FLOT1: variants seen among roughly 807,000 people sequenced by gnomAD.
FLOT1 encodes flotillin-1.
FLOT1 carries 40 observed loss-of-function variants against 58.4 expected under a neutral mutation model. That is an observed-to-expected ratio of 0.69 (90% CI 0.53 to 0.89). The LOEUF is 0.89. Among genes scored for constraint, FLOT1 ranks in the 40% least tolerant of loss-of-function variants. The probability of loss-of-function intolerance (pLI) is 0.00; values close to 1 mark genes in which losing one functional copy is unlikely to be tolerated. For synonymous variants in FLOT1, 178 were observed against 204.2 expected, an observed-to-expected ratio of 0.87 and a Z score of 1.09; for missense variants, 423 against 540.8, an observed-to-expected ratio of 0.78 and a Z score of 2.16.
chr6:30,738,833 C>CA (rs1182804757), intron 8 of FLOT1, among the ~76,000 whole-genome samples: 3 of 151,922 alleles, frequency 2.0e-5, no homozygotes, highest in African/African-American at 7.3e-5. Flanking sequence ...CACAAAAATG[C>CA]AAAAAACACG....
At chr6:30,740,111 GA>G (rs1283837597) in intron 8 of FLOT1, 46 bp downstream of exon 8, 1 of 1,571,096 alleles carries the variant, frequency 6.4e-7, no homozygotes, top group Non-Finnish European at 8.6e-7. Flanking sequence ...TGGACAGCCT[GA>G]GAGGAATGGG....
chr6:30,731,876 AACC>A (rs1363360917), intron 8 of FLOT1, among the ~76,000 whole-genome samples: 1 of 152,308 alleles, frequency 6.6e-6, no homozygotes, highest in Middle Eastern at 3.4e-3. Context: ...TTCCCAGAGA[AACC>A]ACCAAGACCA....
At position 30,730,721 on chromosome 6, in the gene FLOT1, T is replaced by C. The variant is rs1244771646; in HGVS notation, c.912A>G (p.Gln304=). The C allele has an allele frequency of 8.1e-6, 13 of 1,613,250 alleles. No individual in the cohort carries two copies. Among genetic ancestry groups the C allele is most frequent in the South Asian group, 1.1e-5 (1 of 91,084 alleles). The change falls in exon 10 of 13, where the codon CAA becomes CAG. Residue 304 remains glutamine (Q), a synonymous_variant. Coordinates refer to ENST00000376389, the MANE Select transcript of FLOT1 (RefSeq NM_005803.4). ...LERLAEAEKS[Q]LIMQAEAEAA... is the part of the protein sequence containing the mutation. Reference sequence around the variant, plus strand: ...CTTCTGCCTCCGCCTGCATAATTAGTTGGGACCTGTGGACAGAAGGGAAGT... The same window carrying C: ...CTTCTGCCTCCGCCTGCATAATTAGCTGGGACCTGTGGACAGAAGGGAAGT...
At chr6:30,740,841 T>TC in intron 5 of FLOT1, 43 bp from the exon 6 acceptor site, 1 of 1,551,224 alleles carries the variant, frequency 6.4e-7, no homozygotes. Flanking sequence ...TAAGTTTTTT[T>TC]TTTTTTTTTT....
chr6:30,741,826 C>G lies in FLOT1; in HGVS notation c.85G>C (p.Val29Leu). 1.2e-6 allele frequency: 2 copies of G among 1,612,986 alleles called. No homozygotes were observed. Among genetic ancestry groups the G allele is most frequent in the Non-Finnish European group, 1.7e-6 (2 of 1,180,036 alleles). The change falls in exon 3 of 13, where the codon GTC becomes CTC. Residue 29 changes from valine (V) to leucine (L), a missense_variant. Transcript: ENST00000376389. This position sits in a 1 kb window ranked among gnomAD's most constrained non-coding sequence, Gnocchi z 5.9. ...SPPVMVAGGR[V>L]FVLPCIQQIQ... ...TGTTGGATGCAGGGCAGGACAAAGA[C>G]ACGCCCTCCAGCCACCATGACTGGG...
At position 30,737,250 on chromosome 6, in the gene FLOT1, ATCCG is replaced by A. The variant is rs1422816410; in HGVS notation, c.723+2904_723+2907del. Reference sequence around the variant, plus strand: ...CGTCCGTCCGTCCGTCCGTCCGTCCATCCGTCCATCCATCCATCCATATATCTAT... The same window carrying A: ...CGTCCGTCCGTCCGTCCGTCCGTCCATCCATCCATCCATCCATATATCTAT... On this transcript the variant is annotated intron_variant, in intron 8 of 12. Transcript: ENST00000376389. This position sits in a 1 kb window ranked among gnomAD's most constrained non-coding sequence, Gnocchi z 4.4. Among the ~76,000 whole-genome samples the A allele has an allele frequency of 1.3e-3, 193 of 146,918 alleles. 1 individual carries two copies. Among genetic ancestry groups the A allele is most frequent in the South Asian group, 4.5e-3 (21 of 4,644 alleles).
At position 30,735,051 on chromosome 6, in the gene FLOT1, T is replaced by C. The variant is rs367680813; in HGVS notation, c.724-3951A>G. 2.0e-4 allele frequency among the ~76,000 whole-genome samples: 30 copies of C among 152,272 alleles called. 2 individuals are homozygous for C. Among genetic ancestry groups the C allele is most frequent in the East Asian group, 1.2e-3 (6 of 5,188 alleles). ...CCTACGGTGATCTGGATAGGCCATG[T>C]ACGGAGAAACATCTGATTCAGGATT... is the stretch of plus-strand genomic sequence containing the variant. On this transcript the variant is annotated intron_variant, in intron 8 of 12. Transcript: ENST00000376389.
chr6:30,741,592 GA>G lies in FLOT1; in HGVS notation c.210+21del. ...GGGTGATGGGGAAGTGGACTGTGGG[GA>G]AAAGGCTCTGAAAGCTTCACCTGGG... On this transcript the variant is annotated intron_variant, in intron 4 of 12. Transcript: ENST00000376389. The surrounding 1 kb of genome is among the most constrained non-coding windows in gnomAD (Gnocchi z 5.9). The G allele has an allele frequency of 1.3e-6, 2 of 1,573,916 alleles. No individual in the cohort carries two copies. The highest frequency in any genetic ancestry group is 1.7e-6 in the Non-Finnish European group (2 of 1,144,662).
intron 8 of FLOT1, among the ~76,000 whole-genome samples, chr6:30,736,656 C>T (rs376221123): frequency 4.0e-5 from 6 of 150,632 alleles, no homozygotes; most frequent in East Asian, 4.0e-4. Flanking sequence ...TGCAGTGGCG[C>T]GATCTCGGCT....
chr6:30,733,509 G>A (rs910487485), intron 8 of FLOT1, among the ~76,000 whole-genome samples: 1 of 151,928 alleles, frequency 6.6e-6, no homozygotes, highest in Non-Finnish European at 1.5e-5. Flanking sequence ...GGGAGGCTGA[G>A]GTGGGCAGAT....
At chr6:30,730,869 G>A in intron 9 of FLOT1, 50 bp downstream of exon 9, 1 of 1,594,248 alleles carries the variant, frequency 6.3e-7, no homozygotes, top group Non-Finnish European at 8.6e-7. Flanking sequence ...TCCATCTTGG[G>A]GTGCCTAGGT....
rs1386222055 is a variant in FLOT1, at chr6:30,737,399, G to A, written c.723+2759C>T. ...AGCCTCCCAAGTAGCTGGAACTGCA[G>A]GCTCAAACCACCACACCCGGCTAAT... On this transcript the variant is annotated intron_variant, in intron 8 of 12. Transcript: ENST00000376389. This position sits in a 1 kb window ranked among gnomAD's most constrained non-coding sequence, Gnocchi z 4.4. Among the ~76,000 whole-genome samples, 5 of 152,106 alleles carry A rather than the reference G, an allele frequency of 3.3e-5. No individual in the cohort carries two copies.
chr6:30,741,539 CAGA>C lies in FLOT1; in HGVS notation c.210+72_210+74del. ...AGGCAAGGGTTGAGAAGACTGTGGC[CAGA>C]AGATGTCTTAATGTCTGGGAGAGAG... On this transcript the variant is annotated intron_variant, in intron 4 of 12. Coordinates refer to ENST00000376389, the MANE Select transcript of FLOT1 (RefSeq NM_005803.4). The surrounding 1 kb of genome is among the most constrained non-coding windows in gnomAD (Gnocchi z 5.9). The C allele has an allele frequency of 2.2e-6, 3 of 1,344,390 alleles. No homozygotes were observed. Among genetic ancestry groups the C allele is most frequent in the Non-Finnish European group, 2.1e-6 (2 of 938,004 alleles). 83.3% of individuals were successfully genotyped at this position (1,344,390 alleles called of 1,614,324 possible).
intron 12 of FLOT1, among the ~76,000 whole-genome samples, chr6:30,729,489 A>G (rs1341262953): frequency 1.3e-5 from 2 of 152,216 alleles, no homozygotes; most frequent in African/African-American, 2.4e-5. Flanking sequence ...TCTAATTATT[A>G]ACCCAATTTT....
chr6:30,738,787 G>A (rs1362160897), intron 8 of FLOT1, among the ~76,000 whole-genome samples: 1 of 152,060 alleles, frequency 6.6e-6, no homozygotes, highest in African/African-American at 2.4e-5. Flanking sequence ...CTGATGCTTG[G>A]GGGCCATTTT....
At position 30,740,937 on chromosome 6, in the gene FLOT1, T is replaced by C. The variant is rs76989606; in HGVS notation, c.355-139A>G. 0.045 allele frequency: 56,533 copies of C among 1,254,976 alleles called. 2,133 individuals carry two copies. The highest frequency in any genetic ancestry group is 0.16 in the African/African-American group (10,451 of 64,554). The allele number at this position is 1,254,976 out of a possible 1,614,324, so 77.7% of individuals were successfully genotyped here. ...AAGTAGCTGGGATTACCGACACCCA[T>C]CACCATACCCAGCTAATTTTTGTAT... On this transcript the variant is annotated intron_variant, in intron 5 of 12. Transcript: ENST00000376389.
At chr6:30,730,398 C>T (rs745875039) in intron 11 of FLOT1, 30 bp downstream of exon 11, 8 of 1,542,338 alleles carry the variant, frequency 5.2e-6, no homozygotes, top group East Asian at 2.3e-5. Context: ...TCTATTTCCT[C>T]CTTTCTTGGT....
Position 30,737,004 on chromosome 6 carries a change from T to C in FLOT1, c.723+3154A>G, listed in dbSNP as rs1467326721. 6.6e-6 allele frequency among the ~76,000 whole-genome samples: 1 copy of C among 152,072 alleles called. No homozygotes were observed. The highest frequency in any genetic ancestry group is 1.5e-5 in the Non-Finnish European group (1 of 68,014). ...GAAGTTCTCCAATAGCTTTCCACTG[T>C]GCTTTCAGTTCTCTTCTGTGTCTCC... On this transcript the variant is annotated intron_variant, in intron 8 of 12. Coordinates refer to ENST00000376389, the MANE Select transcript of FLOT1 (RefSeq NM_005803.4). The surrounding 1 kb of genome is among the most constrained non-coding windows in gnomAD (Gnocchi z 4.4).
chr6:30,729,161 G>A (rs1375097703), intron 12 of FLOT1, among the ~76,000 whole-genome samples: 2 of 151,198 alleles, frequency 1.3e-5, no homozygotes, highest in African/African-American at 4.9e-5. Context: ...TGCAACCTTC[G>A]GCTCCTGGGT....
Sources: gnomAD v4.1 joint callset for allele counts (sites outside exome capture counted in the v4.1 genomes callset) on GRCh38, gnomAD v4.1.1 for gene constraint, Gnocchi (gnomAD v3.1) non-coding constraint, MANE v1.5 for transcripts, NCBI Gene and HGNC (gene_info 2026-07-23, HGNC 2026-07-21) for gene names.